Variants in ACYP2 observed in about 807,000 individuals in gnomAD.
ACYP2 encodes acylphosphatase-2.
ACYP2 carries 12 observed loss-of-function variants against 11.2 expected under a neutral mutation model. The ratio of observed to expected loss-of-function variants is 1.08; its 90% confidence interval spans 0.69 to 1.74. ACYP2 has a LOEUF of 1.74. Among genes scored for constraint, ACYP2 ranks in the 40% most tolerant of loss-of-function variants. The probability of loss-of-function intolerance (pLI) is 0.00; values close to 1 mark genes in which losing one functional copy is unlikely to be tolerated. For missense variants in ACYP2, 134 were observed against 101.9 expected, an observed-to-expected ratio of 1.31 and a Z score of -1.35; for synonymous variants, 43 against 32.2, an observed-to-expected ratio of 1.33 and a Z score of -1.13.
intron 4 of ACYP2, chr2:54,065,400 T>C: frequency 2.5e-6 from 1 of 398,406 alleles, no homozygotes; most frequent in Non-Finnish European, 4.4e-6. Flanking sequence ...TCCTATGCTT[T>C]TATATACATA....
chr2:54,039,364 C>T (rs1675100697), intron 2 of ACYP2, among the ~76,000 whole-genome samples: 1 of 151,382 alleles, frequency 6.6e-6, no homozygotes, highest in South Asian at 2.1e-4. Flanking sequence ...GTGATCTTGG[C>T]TCAAGCAACC....
At chr2:54,295,829 C>T (rs950770596) in intron 6 of ACYP2, among the ~76,000 whole-genome samples, 2 of 151,788 alleles carry the variant, frequency 1.3e-5, no homozygotes, top group South Asian at 2.1e-4. Flanking sequence ...GGCGCGATCT[C>T]GGCTCACTGC....
At chr2:53,973,281 G>A (rs1230268888) in intron 1 of ACYP2, among the ~76,000 whole-genome samples, 1 of 152,242 alleles carries the variant, frequency 6.6e-6, no homozygotes, top group South Asian at 2.1e-4. Flanking sequence ...AATAGAGGCA[G>A]CAAATATGGA....
chr2:54,072,151 C>A (rs1192551639), intron 4 of ACYP2, among the ~76,000 whole-genome samples: 1 of 152,050 alleles, frequency 6.6e-6, no homozygotes, highest in Admixed American at 6.6e-5. Context: ...TGAAAACTAT[C>A]AAATATTGTT....
intron 6 of ACYP2, among the ~76,000 whole-genome samples, chr2:54,256,719 G>C (rs1056906847): frequency 9.9e-5 from 15 of 152,216 alleles, no homozygotes; most frequent in Non-Finnish European, 8.8e-5. Context: ...TCAGCTCACT[G>C]AAGCTGCCGC....
At chr2:54,117,973 C>G (rs1679912589) in intron 4 of ACYP2, among the ~76,000 whole-genome samples, 1 of 152,104 alleles carries the variant, frequency 6.6e-6, no homozygotes, top group East Asian at 1.9e-4. Context: ...TCTTTTATGC[C>G]TTTGCATCCT....
intron 2 of ACYP2, among the ~76,000 whole-genome samples, chr2:54,022,144 C>T (rs1479718711): frequency 1.3e-5 from 2 of 152,026 alleles, no homozygotes; most frequent in Admixed American, 1.3e-4. Flanking sequence ...AATGTCTTGC[C>T]ACATTTGCTT....
intron 2 of ACYP2, among the ~76,000 whole-genome samples, chr2:53,983,833 C>T (rs1035607495): frequency 2.0e-5 from 3 of 152,002 alleles, no homozygotes; most frequent in Non-Finnish European, 4.4e-5. Flanking sequence ...TGTAGAAAGA[C>T]CAAGAGTTTT....
At chr2:54,301,332 C>T (rs1337395339) in intron 6 of ACYP2, among the ~76,000 whole-genome samples, 1 of 152,180 alleles carries the variant, frequency 6.6e-6, no homozygotes, top group South Asian at 2.1e-4. Context: ...GCTCAAATGT[C>T]ATTGCTCTCA....
At position 53,973,855 on chromosome 2, in the gene ACYP2, ATGTGTGTGTGTGTGTGTGTG is replaced by A. The variant is rs573137716; in HGVS notation, c.62+73_62+92del. On this transcript the variant is annotated intron_variant, in intron 2 of 6. Transcript: ENST00000607452. ...GGATTTTTGAATGTGGGATATATATATGTGTGTGTGTGTGTGTGTGTGTGTGTGTGTGTGTGTGTGTGTGT... is the reference window on the plus strand; with the variant it reads ...GGATTTTTGAATGTGGGATATATATATGTGTGTGTGTGTGTGTGTGTGTGT... 2.3e-4 allele frequency: 28 copies of A among 124,442 alleles called. 2 individuals carry two copies. The highest frequency in any genetic ancestry group is 3.6e-4 in the Non-Finnish European group (24 of 67,292). The allele number at this position is 124,442 out of a possible 1,614,324, so 7.7% of individuals were successfully genotyped here. A position where few individuals can be genotyped will look rare whatever the true frequency, so the allele number is the denominator to read the frequency against.
chr2:54,060,263 GCTAT>G (rs1391139578), intron 4 of ACYP2, among the ~76,000 whole-genome samples: 3 of 151,558 alleles, frequency 2.0e-5, no homozygotes, highest in Admixed American at 6.6e-5. Flanking sequence ...TCTCTTTTTG[GCTAT>G]CTTTTTTATC....
At chr2:54,049,675 T>C (rs369089839) in intron 2 of ACYP2, among the ~76,000 whole-genome samples, 18 of 152,322 alleles carry the variant, frequency 1.2e-4, no homozygotes, top group East Asian at 1.2e-3. Flanking sequence ...CCCAAACAAC[T>C]ATGAGTACTT....
At chr2:54,202,405 C>CTTTTTTTTTTTTTTT (rs61634500) in intron 6 of ACYP2, among the ~76,000 whole-genome samples, 1 of 116,372 alleles carries the variant, frequency 8.6e-6, no homozygotes, top group African/African-American at 3.6e-5. Context: ...CTGTGCCTGG[C>CTTTTTTTTTTTTTTT]TTTTTTTTTT....
intron 4 of ACYP2, among the ~76,000 whole-genome samples, chr2:54,086,696 C>T (rs759330271): frequency 1.3e-5 from 2 of 152,150 alleles, no homozygotes; most frequent in Non-Finnish European, 2.9e-5. Context: ...TGCACGCGCG[C>T]GCTAGTGCGT....
chr2:54,202,580 G>A (rs983235626), intron 6 of ACYP2, among the ~76,000 whole-genome samples: 3 of 148,136 alleles, frequency 2.0e-5, no homozygotes, highest in African/African-American at 5.0e-5. Flanking sequence ...GCTAATTTTT[G>A]TATTTTAAGT....
intron 4 of ACYP2, among the ~76,000 whole-genome samples, chr2:54,128,762 T>A (rs1680705695): frequency 6.6e-6 from 1 of 152,186 alleles, no homozygotes; most frequent in Non-Finnish European, 1.5e-5. Context: ...GGAAGGATTT[T>A]TTTTTTAGGG....
intron 6 of ACYP2, among the ~76,000 whole-genome samples, chr2:54,174,324 C>G (rs1015253350): frequency 2.6e-5 from 4 of 151,610 alleles, no homozygotes; most frequent in East Asian, 1.9e-4. Flanking sequence ...CATGATTTGA[C>G]TGTTTGTTAT....
intron 6 of ACYP2, among the ~76,000 whole-genome samples, chr2:54,226,285 T>A (rs555267673): frequency 1.3e-5 from 2 of 152,328 alleles, no homozygotes; most frequent in South Asian, 2.1e-4. Context: ...CTCTCCTGGA[T>A]AAGTCTGGAC....
At chr2:54,146,866 C>T (rs1198236045) in intron 6 of ACYP2, among the ~76,000 whole-genome samples, 1 of 151,772 alleles carries the variant, frequency 6.6e-6, no homozygotes, top group African/African-American at 2.4e-5. Context: ...ATGATCTCGC[C>T]TCACTGCAAC....
Sources: allele counts gnomAD v4.1 joint callset (sites outside exome capture counted in the v4.1 genomes callset), GRCh38; gene constraint gnomAD v4.1.1; transcripts MANE v1.5; gene names NCBI Gene and HGNC (gene_info 2026-07-23, HGNC 2026-07-21).